Variants in LRP1B observed in about 807,000 individuals in gnomAD.
LRP1B encodes low-density lipoprotein receptor-related protein 1B.
A neutral mutation model predicts 556.6 loss-of-function variants in LRP1B; 217 were observed. The observed-to-expected ratio is 0.39, with a 90% CI of 0.35 to 0.44. The LOEUF (loss-of-function observed/expected upper bound fraction) is 0.44, where lower values mean the gene tolerates loss of function less well. Ranked by LOEUF, LRP1B falls within the 20% of genes least tolerant of loss-of-function variation. The pLI is 1.00. For missense variants in LRP1B, 5,053 were observed against 5,620.8 expected (o/e 0.90, Z 3.23); for synonymous variants, 2,047 against 1,865.8 (o/e 1.10, Z -2.50).
At chr2:142,089,739 G>T (rs748714558) in intron 1 of LRP1B, among the ~76,000 whole-genome samples, 3 of 152,184 alleles carry the variant, frequency 2.0e-5, no homozygotes, top group Non-Finnish European at 4.4e-5. Context: ...AAGAAGGATT[G>T]TGACATGTTA....
chr2:141,272,631 A>T (rs1685130365), intron 3 of LRP1B, among the ~76,000 whole-genome samples: 1 of 152,200 alleles, frequency 6.6e-6, no homozygotes, highest in Non-Finnish European at 1.5e-5. Flanking sequence ...AAAAAAATGT[A>T]GCATGCAAAT....
chr2:140,409,936 G>C (rs1048991610), intron 66 of LRP1B, among the ~76,000 whole-genome samples: 5 of 151,966 alleles, frequency 3.3e-5, no homozygotes, highest in Non-Finnish European at 7.4e-5. Context: ...GACTCTAAGA[G>C]ATGACTAAAA....
At chr2:141,972,409 CTTT>C (rs1171648224) in intron 1 of LRP1B, among the ~76,000 whole-genome samples, 5 of 151,424 alleles carry the variant, frequency 3.3e-5, no homozygotes, top group Non-Finnish European at 5.9e-5. Context: ...ACATACTCTT[CTTT>C]TTTTAATATA....
intron 11 of LRP1B, among the ~76,000 whole-genome samples, chr2:141,035,352 CAAT>C (rs145532424): frequency 0.38 from 57,247 of 150,306 alleles, 10,931 homozygotes; most frequent in East Asian, 0.47. Flanking sequence ...ACTTGAAGTA[CAAT>C]AATAATAATA....
At chr2:142,061,409 T>G (rs2104892823) in intron 1 of LRP1B, among the ~76,000 whole-genome samples, 1 of 152,072 alleles carries the variant, frequency 6.6e-6, no homozygotes, top group East Asian at 1.9e-4. Flanking sequence ...TACAAAGAAT[T>G]TATTATAACT....
At chr2:140,731,390 TA>T (rs1687770011) in intron 35 of LRP1B, among the ~76,000 whole-genome samples, 1 of 152,112 alleles carries the variant, frequency 6.6e-6, no homozygotes, top group South Asian at 2.1e-4. Flanking sequence ...ATCAAGTGAA[TA>T]GTATAAGAGT....
At chr2:140,576,770 C>T (rs1472150812) in intron 43 of LRP1B, among the ~76,000 whole-genome samples, 1 of 152,132 alleles carries the variant, frequency 6.6e-6, no homozygotes, top group African/African-American at 2.4e-5. Context: ...GTTTTTATCC[C>T]AGTCGACTTT....
At chr2:141,045,980 C>T (rs1378450023) in intron 11 of LRP1B, among the ~76,000 whole-genome samples, 4 of 151,972 alleles carry the variant, frequency 2.6e-5, no homozygotes, top group Non-Finnish European at 4.4e-5. Context: ...AATTTCCTTT[C>T]TCATTGATTT....
chr2:141,402,425 A>T (rs1690480651), intron 3 of LRP1B, among the ~76,000 whole-genome samples: 1 of 152,140 alleles, frequency 6.6e-6, no homozygotes, highest in African/African-American at 2.4e-5. Context: ...AAGAGTGGAA[A>T]TAATTAAATA....
chr2:141,180,891 C>T (rs1284102484), intron 7 of LRP1B, among the ~76,000 whole-genome samples: 3 of 151,880 alleles, frequency 2.0e-5, no homozygotes, highest in Non-Finnish European at 4.4e-5. Flanking sequence ...TGAAAAGAGA[C>T]CCTTCACTGC....
intron 2 of LRP1B, among the ~76,000 whole-genome samples, chr2:141,807,568 T>A (rs190067322): frequency 3.1e-4 from 47 of 152,206 alleles, no homozygotes; most frequent in African/African-American, 1.0e-3. Flanking sequence ...GACTGTATAT[T>A]TAAACAACTG....
At chr2:142,097,320 C>G (rs1706411352) in intron 1 of LRP1B, among the ~76,000 whole-genome samples, 1 of 151,528 alleles carries the variant, frequency 6.6e-6, no homozygotes, top group South Asian at 2.1e-4. Context: ...ATTCTTTAGT[C>G]AAATGCTCTT....
rs1697105113 is a variant in LRP1B at position 140,991,976 on chromosome 2, T to C, written c.2644+2019A>G. On this transcript the variant is annotated intron_variant, in intron 16 of 90. Coordinates refer to ENST00000389484, the MANE Select transcript of LRP1B (RefSeq NM_018557.3). The stretch of plus-strand genomic sequence containing the variant: ...ATTTTAGAATTTATTTTGTTGGTTG[T>C]GCAGTTATTGAAATTAAAAGAATGG... Among the ~76,000 whole-genome samples the C allele has an allele frequency of 2.0e-5, 3 of 152,088 alleles. No individual in the cohort carries two copies. In the South Asian group the frequency reaches 6.2e-4, roughly 32 times the overall value.
At chr2:141,318,436 T>C (rs1038362211) in intron 3 of LRP1B, among the ~76,000 whole-genome samples, 1 of 152,176 alleles carries the variant, frequency 6.6e-6, no homozygotes, top group Non-Finnish European at 1.5e-5. Flanking sequence ...AAAATAACTC[T>C]TTAAGTATGG....
intron 11 of LRP1B, among the ~76,000 whole-genome samples, chr2:141,043,114 G>A (rs1698753611): frequency 6.6e-6 from 1 of 151,020 alleles, no homozygotes; most frequent in Non-Finnish European, 1.5e-5. Flanking sequence ...GAGGAGGGAA[G>A]ATCACTTGAG....
At chr2:140,500,764 C>T (rs1050640457) in intron 55 of LRP1B, among the ~76,000 whole-genome samples, 6 of 151,924 alleles carry the variant, frequency 3.9e-5, no homozygotes, top group African/African-American at 1.2e-4. Flanking sequence ...TTTGGATACA[C>T]TCCAATTCGT....
intron 66 of LRP1B, among the ~76,000 whole-genome samples, chr2:140,441,041 TTAAG>T (rs1317578872): frequency 2.0e-5 from 3 of 152,068 alleles, no homozygotes; most frequent in African/African-American, 7.2e-5. Context: ...AATAAAGAGA[TTAAG>T]TAAGATAATC....
At chr2:140,513,432 T>C (rs1689748513) in intron 51 of LRP1B, among the ~76,000 whole-genome samples, 1 of 152,092 alleles carries the variant, frequency 6.6e-6, no homozygotes, top group Non-Finnish European at 1.5e-5. Flanking sequence ...GGTAATTCTT[T>C]TATTAAATTT....
intron 66 of LRP1B, among the ~76,000 whole-genome samples, chr2:140,390,582 T>G (rs1683971486): frequency 6.6e-6 from 1 of 151,990 alleles, no homozygotes; most frequent in Non-Finnish European, 1.5e-5. Context: ...AAATGATAAA[T>G]TAGACTTCAA....
Sources: gnomAD v4.1 joint callset for allele counts (sites outside exome capture counted in the v4.1 genomes callset) on GRCh38, gnomAD v4.1.1 for gene constraint, MANE v1.5 for transcripts, NCBI Gene and HGNC (gene_info 2026-07-23, HGNC 2026-07-21) for gene names.